The following MGST1 variants were observed in gnomAD, a reference collection of about 807,000 sequenced individuals.
MGST1 encodes the protein microsomal glutathione S-transferase 1, also known as glutathione S-transferase 12.
In MGST1, 5 loss-of-function variants were observed where a neutral mutation model predicts 8.9. The ratio of observed to expected loss-of-function variants is 0.56; its 90% CI spans 0.29 to 1.19. The LOEUF is 1.19. Among genes scored for constraint, MGST1 ranks in the 50% most tolerant of loss-of-function variants. MGST1 has a pLI of 0.08. For synonymous variants in MGST1, 54 were observed against 67.8 expected (o/e 0.80, Z 1.00); for missense variants, 182 against 187.4 (o/e 0.97, Z 0.17).
chr12:16,399,183 G>T (rs1182299200), intron 1 of MGST1: 46 of 1,283,260 alleles, frequency 3.6e-5, no homozygotes, highest in Non-Finnish European at 4.8e-5. Flanking sequence ...AACTTCAAAT[G>T]AAAACAAAAG....
downstream of MGST1, among the ~76,000 whole-genome samples, chr12:16,593,094 ATGCC>A (rs780469449): frequency 2.0e-5 from 3 of 151,872 alleles, no homozygotes; most frequent in Admixed American, 6.6e-5. The surrounding 1 kb of genome is among the most constrained non-coding windows in gnomAD (Gnocchi z 4.2). Flanking sequence ...ATGAAGTTCC[ATGCC>A]TGCTTACTAG....
intron 4 of MGST1, among the ~76,000 whole-genome samples, chr12:16,461,445 A>G (rs1941220646): frequency 6.6e-6 from 1 of 152,188 alleles, no homozygotes; most frequent in Non-Finnish European, 1.5e-5. Flanking sequence ...AGCACTTCTT[A>G]TGCTAACACT....
chr12:16,409,250 A>G (rs976018251), intron 1 of MGST1, among the ~76,000 whole-genome samples: 1 of 151,998 alleles, frequency 6.6e-6, no homozygotes, highest in African/African-American at 2.4e-5. Context: ...TCTAGAGTTA[A>G]GGTGATGTGT....
intron 1 of MGST1, among the ~76,000 whole-genome samples, chr12:16,405,031 GT>G (rs1186925943): frequency 6.6e-6 from 1 of 152,156 alleles, no homozygotes; most frequent in Non-Finnish European, 1.5e-5. Context: ...AGCTAAGGCA[GT>G]GTTAAGAGGG....
chr12:16,456,319 T>C (rs1941171811), intron 4 of MGST1, among the ~76,000 whole-genome samples: 3 of 151,834 alleles, frequency 2.0e-5, no homozygotes, highest in African/African-American at 7.2e-5. Context: ...ATAAAATACA[T>C]TGTAGCCCCA....
intron 1 of MGST1, among the ~76,000 whole-genome samples, chr12:16,353,258 C>T (rs1001204078): frequency 6.6e-6 from 1 of 152,144 alleles, no homozygotes; most frequent in African/African-American, 2.4e-5. Flanking sequence ...TGGACTTGAT[C>T]TCTCGACCTC....
chr12:16,442,288 A>G (rs1176395195), downstream of MGST1, among the ~76,000 whole-genome samples: 1 of 151,688 alleles, frequency 6.6e-6, no homozygotes, highest in Non-Finnish European at 1.5e-5. This position sits in a 1 kb window ranked among gnomAD's most constrained non-coding sequence, Gnocchi z 4.5. Context: ...CTTGACTCCT[A>G]CTTTCATAGA....
intron 1 of MGST1, among the ~76,000 whole-genome samples, chr12:16,421,175 C>A (rs574426853): frequency 2.0e-5 from 3 of 152,086 alleles, no homozygotes; most frequent in African/African-American, 4.8e-5. Flanking sequence ...TGCACATATC[C>A]ATTTATCAAT....
chr12:16,350,077 C>A (rs1369654841), intron 1 of MGST1, among the ~76,000 whole-genome samples: 1 of 152,146 alleles, frequency 6.6e-6, no homozygotes, highest in Non-Finnish European at 1.5e-5. Flanking sequence ...CTAAGGCTCA[C>A]AAGAATCCAG....
At chr12:16,417,966 A>G (rs184970600) in intron 1 of MGST1, among the ~76,000 whole-genome samples, 7 of 152,266 alleles carry the variant, frequency 4.6e-5, no homozygotes, top group Admixed American at 3.9e-4. Context: ...ACTTCTACAT[A>G]TGGGGACTAG....
chr12:16,429,470 T>A (rs1292878537), intron 1 of MGST1, among the ~76,000 whole-genome samples: 1 of 148,646 alleles, frequency 6.7e-6, no homozygotes, highest in African/African-American at 2.5e-5. Context: ...ATTTCTTCAA[T>A]CATATCTTTT....
At chr12:16,406,909 A>T (rs1940701449) in intron 1 of MGST1, among the ~76,000 whole-genome samples, 1 of 152,214 alleles carries the variant, frequency 6.6e-6, no homozygotes, top group South Asian at 2.1e-4. Flanking sequence ...TCGACTCAAG[A>T]TGGATTAAAG....
Position 16,544,733 on chromosome 12 carries a change from T to A in MGST1, n.483-44795T>A, listed in dbSNP as rs1941813455. On this transcript the variant is annotated intron_variant and non_coding_transcript_variant, in intron 4 of 4. Transcript: ENST00000538857. The surrounding 1 kb of genome is among the most constrained non-coding windows in gnomAD (Gnocchi z 4.8). ...TGAGATACTAAAATCGCATACATACTATTCTAGTCAATTTGGGAAAAAGCA... is the reference window on the plus strand; with the variant it reads ...TGAGATACTAAAATCGCATACATACAATTCTAGTCAATTTGGGAAAAAGCA... Among the ~76,000 whole-genome samples, 1 of 152,074 alleles carries A rather than the reference T, an allele frequency of 6.6e-6. No homozygotes were observed. Among genetic ancestry groups the A allele is most frequent in the South Asian group, 2.1e-4 (1 of 4,832 alleles).
chr12:16,370,804 A>G (rs1272380310), intron 3 of MGST1, among the ~76,000 whole-genome samples: 1 of 152,162 alleles, frequency 6.6e-6, no homozygotes, highest in African/African-American at 2.4e-5. Context: ...TAAAAATTCT[A>G]TTTACTCTGG....
chr12:16,551,417 C>A, intron 4 of MGST1: 2 of 760,464 alleles, frequency 2.6e-6, no homozygotes, highest in South Asian at 1.6e-5. Flanking sequence ...AATAGTTTCG[C>A]ATGGTAATTC....
chr12:16,575,269 T>C (rs1942958290), intron 4 of MGST1, among the ~76,000 whole-genome samples: 1 of 152,170 alleles, frequency 6.6e-6, no homozygotes, highest in Admixed American at 6.5e-5. Flanking sequence ...TTCAAAAATA[T>C]AGGCATAAGG....
rs1240200094 is a variant in MGST1 at position 16,576,887 on chromosome 12, G to T, written n.483-12641G>T. ...TAAATTACTTAAAAGCTGTTACAAA[G>T]AAATGATTATACCACCCTCCCCACG... On this transcript the variant is annotated intron_variant and non_coding_transcript_variant, in intron 4 of 4. Coordinates refer to the MGST1 transcript ENST00000538857. The surrounding 1 kb of genome is among the most constrained non-coding windows in gnomAD (Gnocchi z 4.1). 1.3e-5 allele frequency among the ~76,000 whole-genome samples: 2 copies of T among 152,092 alleles called. No individual in the cohort carries two copies. Among genetic ancestry groups the T allele is most frequent in the African/African-American group, 4.8e-5 (2 of 41,420 alleles).
At chr12:16,435,152 A>G (rs1425944702) in intron 1 of MGST1, among the ~76,000 whole-genome samples, 2 of 152,038 alleles carry the variant, frequency 1.3e-5, no homozygotes, top group African/African-American at 2.4e-5. Context: ...CAGCTAACAA[A>G]AAAACATTTC....
At position 16,400,479 on chromosome 12, in the gene MGST1, T is replaced by A. The variant is rs972252200; in HGVS notation, n.778+16875T>A. The A allele has an allele frequency of 5.0e-6, 4 of 798,098 alleles. No homozygotes were observed. The East Asian group carries it at 9.8e-5, about 19-fold the overall frequency. The allele number at this position is 798,098 out of a possible 1,614,324, so 49.4% of individuals were successfully genotyped here. On this transcript the variant is annotated intron_variant and non_coding_transcript_variant, in intron 1 of 1. Transcript: ENST00000359720. ...TACTCCAGTTTAGATTGATCACCAGTGAGTCTTGTTTTACAATGCCCTCCT... is the reference window on the plus strand; with the variant it reads ...TACTCCAGTTTAGATTGATCACCAGAGAGTCTTGTTTTACAATGCCCTCCT...
Sources: allele counts gnomAD v4.1 joint callset (sites outside exome capture counted in the v4.1 genomes callset), GRCh38; gene constraint gnomAD v4.1.1; non-coding constraint Gnocchi (gnomAD v3.1); transcripts MANE v1.5; gene names NCBI Gene and HGNC (gene_info 2026-07-23, HGNC 2026-07-21).